Variants in ARMH3 observed in about 807,000 individuals in gnomAD.
ARMH3 encodes the protein armadillo-like helical domain-containing protein 3.
ARMH3 carries 60 observed loss-of-function variants against 99.1 expected under a neutral mutation model. The observed-to-expected ratio is 0.61, with a 90% confidence interval of 0.49 to 0.75. ARMH3 has a LOEUF of 0.75. Ranked by LOEUF, ARMH3 falls within the 30% of genes least tolerant of loss-of-function variation. The probability of loss-of-function intolerance (pLI) is 0.00; values close to 1 mark genes in which losing one functional copy is unlikely to be tolerated. For synonymous variants in ARMH3, 285 were observed against 292.8 expected, an observed-to-expected ratio of 0.97 and a Z score of 0.27; for missense variants, 679 against 843.1, an observed-to-expected ratio of 0.81 and a Z score of 2.41.
At chr10:101,960,050 C>T (rs1590087620) in intron 20 of ARMH3, among the ~76,000 whole-genome samples, 2 of 152,014 alleles carry the variant, frequency 1.3e-5, no homozygotes, top group Non-Finnish European at 2.9e-5. Context: ...TGGCGGTGTG[C>T]GCCTGTAGGC....
intron 23 of ARMH3, among the ~76,000 whole-genome samples, chr10:101,890,210 G>A (rs1396131082): frequency 6.6e-6 from 1 of 150,790 alleles, no homozygotes. Flanking sequence ...CATAGAGAGA[G>A]ACAAATCTCT....
In ARMH3 at chr10:102,032,182, A is replaced by G. The variant is rs76674163; in HGVS notation, c.306+844T>C. 8.5e-4 allele frequency among the ~76,000 whole-genome samples: 129 copies of G among 152,324 alleles called. No individual in the cohort carries two copies. The East Asian group carries it at 0.016, about 19-fold the overall frequency. On this transcript the variant is annotated intron_variant, in intron 4 of 25. Coordinates refer to ENST00000370033, the MANE Select transcript of ARMH3 (RefSeq NM_024541.3). Reference sequence around the variant, plus strand: ...ACTTCTAGAGTACTATTTGCTATGCACTGCTCTCTGGGCACAAGGAGTATT... The same window carrying G: ...ACTTCTAGAGTACTATTTGCTATGCGCTGCTCTCTGGGCACAAGGAGTATT...
chr10:102,044,471 A>G (rs2067497842), intron 1 of ARMH3, among the ~76,000 whole-genome samples: 1 of 151,730 alleles, frequency 6.6e-6, no homozygotes, highest in Non-Finnish European at 1.5e-5. Context: ...CCTGGGCTCA[A>G]GCCATCCTCT....
At chr10:102,032,938 A>G in intron 4 of ARMH3, 88 bp downstream of exon 4, 1 of 1,445,178 alleles carries the variant, frequency 6.9e-7, no homozygotes, top group Non-Finnish European at 9.4e-7. Flanking sequence ...CATACCTCAG[A>G]GCAACTCTAG....
chr10:102,034,304 AG>A (rs1395550896), intron 2 of ARMH3, among the ~76,000 whole-genome samples: 1 of 152,222 alleles, frequency 6.6e-6, no homozygotes, highest in African/African-American at 2.4e-5. Flanking sequence ...AACAAATTCT[AG>A]GAAGTCAGAA....
At chr10:102,029,915 T>A (rs2067087583) in intron 4 of ARMH3, among the ~76,000 whole-genome samples, 170 bp from the exon 5 acceptor site, 1 of 151,606 alleles carries the variant, frequency 6.6e-6, no homozygotes, top group Admixed American at 6.6e-5. Flanking sequence ...TGGTTCGGTT[T>A]TTTTGTTTGT....
At position 102,041,090 on chromosome 10, in the gene ARMH3, A is replaced by ATATATATAATAT. The variant is rs1554897209; in HGVS notation, c.-11-966_-11-965insATATTATATATA. On this transcript the variant is annotated intron_variant, in intron 1 of 25. Transcript: ENST00000370033. ...ATTGTGTGTACATATATATATATATAATATATATATATATATATATATGTA... is the reference window on the plus strand; with the variant it reads ...ATTGTGTGTACATATATATATATATATATATATAATATATATATATATATATATATATATGTA... Among the ~76,000 whole-genome samples, 384 of 132,586 alleles carry ATATATATAATAT rather than the reference A, an allele frequency of 2.9e-3. 8 individuals carry two copies. Among genetic ancestry groups the ATATATATAATAT allele is most frequent in the Admixed American group, 0.027 (354 of 12,874 alleles). 87.0% of individuals were successfully genotyped at this position (132,586 alleles called of 152,430 possible).
At chr10:101,900,028 A>G (rs2135492495) in intron 23 of ARMH3, among the ~76,000 whole-genome samples, 1 of 152,350 alleles carries the variant, frequency 6.6e-6, no homozygotes, top group Middle Eastern at 3.4e-3. Context: ...CATAAAAGGC[A>G]TCATCACTTA....
chr10:102,027,454 C>G (rs1283215786), intron 5 of ARMH3, among the ~76,000 whole-genome samples: 1 of 151,974 alleles, frequency 6.6e-6, no homozygotes, highest in Admixed American at 6.6e-5. Context: ...CCCCTCATCA[C>G]AGCGTGGGGC....
At chr10:102,025,423 G>C (rs997884155) in intron 5 of ARMH3, among the ~76,000 whole-genome samples, 175 bp from the exon 6 acceptor site, 1 of 152,142 alleles carries the variant, frequency 6.6e-6, no homozygotes, top group African/African-American at 2.4e-5. Context: ...TTTTTCTCAG[G>C]CTGGGGTTGC....
intron 1 of ARMH3, among the ~76,000 whole-genome samples, chr10:102,044,544 G>C (rs2067499995): frequency 6.6e-6 from 1 of 151,836 alleles, no homozygotes; most frequent in African/African-American, 2.4e-5. Context: ...CTAATTTTTT[G>C]TATTTTTTAT....
At chr10:102,021,384 ATT>A (rs1381318319) in intron 8 of ARMH3, among the ~76,000 whole-genome samples, 5 of 128,944 alleles carry the variant, frequency 3.9e-5, no homozygotes, top group African/African-American at 2.9e-5. Flanking sequence ...CCAGCCTTAG[ATT>A]TTTTTTTTTT....
chr10:101,978,390 T>C (rs778313453), intron 19 of ARMH3, among the ~76,000 whole-genome samples: 5 of 152,104 alleles, frequency 3.3e-5, no homozygotes, highest in South Asian at 2.1e-4. Flanking sequence ...TCAAAGAATA[T>C]TGATAAAAAT....
At chr10:101,922,899 A>C (rs946362195) in intron 23 of ARMH3, among the ~76,000 whole-genome samples, 2 of 152,174 alleles carry the variant, frequency 1.3e-5, no homozygotes, top group African/African-American at 2.4e-5. Context: ...GAGATTGAGA[A>C]TTTTCATCAT....
At chr10:101,858,955 C>T (rs1042918570) in intron 24 of ARMH3, among the ~76,000 whole-genome samples, 3 of 152,200 alleles carry the variant, frequency 2.0e-5, no homozygotes, top group Non-Finnish European at 4.4e-5. Flanking sequence ...ATCAAGGTCA[C>T]GTGGTAAGAT....
At chr10:101,932,439 A>G (rs1293644586) in intron 23 of ARMH3, among the ~76,000 whole-genome samples, 3 of 152,252 alleles carry the variant, frequency 2.0e-5, no homozygotes, top group Non-Finnish European at 4.4e-5. Flanking sequence ...ATGAAAGCAG[A>G]GTCTCAAAGA....
chr10:101,984,317 T>C (rs966857630), intron 19 of ARMH3, among the ~76,000 whole-genome samples: 14 of 152,234 alleles, frequency 9.2e-5, no homozygotes, highest in African/African-American at 3.4e-4. Flanking sequence ...TGTCACTTAA[T>C]GATGCCCTTG....
At chr10:101,928,440 C>T (rs1458452570) in intron 23 of ARMH3, among the ~76,000 whole-genome samples, 3 of 152,134 alleles carry the variant, frequency 2.0e-5, no homozygotes, top group Admixed American at 6.5e-5. Flanking sequence ...GAAATAGTTC[C>T]TAATTTGAGC....
At chr10:102,015,043 A>T (rs1018385757) in intron 8 of ARMH3, among the ~76,000 whole-genome samples, 1 of 152,204 alleles carries the variant, frequency 6.6e-6, no homozygotes, top group Admixed American at 6.5e-5. Flanking sequence ...TTCGCACGTC[A>T]ACTGGGAACA....
Sources: gnomAD v4.1 joint callset for allele counts (sites outside exome capture counted in the v4.1 genomes callset) on GRCh38, gnomAD v4.1.1 for gene constraint, MANE v1.5 for transcripts, NCBI Gene and HGNC (gene_info 2026-07-23, HGNC 2026-07-21) for gene names.